The following PRKCH variants were observed in gnomAD, a reference collection of about 807,000 sequenced individuals.
PRKCH encodes the protein protein kinase C eta, also known as protein kinase C eta type.
PRKCH carries 28 observed loss-of-function variants against 82.5 expected under a neutral mutation model. The ratio of observed to expected loss-of-function variants is 0.34; its 90% confidence interval spans 0.25 to 0.47. The LOEUF (loss-of-function observed/expected upper bound fraction) is 0.47. PRKCH is among the 20% of genes least tolerant of loss of function. The probability of loss-of-function intolerance (pLI) is 1.00; values close to 1 mark genes in which losing one functional copy is unlikely to be tolerated. For missense variants in PRKCH, 705 were observed against 881.8 expected, an observed-to-expected ratio of 0.80 and a Z score of 2.54; for synonymous variants, 322 against 327.4, an observed-to-expected ratio of 0.98 and a Z score of 0.18.
intron 10 of PRKCH, among the ~76,000 whole-genome samples, chr14:61,489,856 G>A (rs575727099): frequency 6.6e-6 from 1 of 152,164 alleles, no homozygotes; most frequent in African/African-American, 2.4e-5. Flanking sequence ...TTCATCAACT[G>A]TATTAAAGGG....
chr14:61,263,212 T>C (rs1329286816), intron 1 of PRKCH, among the ~76,000 whole-genome samples: 2 of 152,236 alleles, frequency 1.3e-5, no homozygotes, highest in Non-Finnish European at 2.9e-5. Context: ...GTCATCACCC[T>C]GGACCTTGTG....
intron 1 of PRKCH, among the ~76,000 whole-genome samples, chr14:61,376,706 C>A (rs1257979777): frequency 2.6e-5 from 4 of 152,136 alleles, no homozygotes; most frequent in African/African-American, 4.8e-5. Context: ...CCCATCTACA[C>A]CCCTCTAGTT....
intron 1 of PRKCH, among the ~76,000 whole-genome samples, chr14:61,389,255 C>G (rs1255270606): frequency 6.6e-6 from 1 of 151,806 alleles, no homozygotes; most frequent in Non-Finnish European, 1.5e-5. Context: ...GGGGCTGAGG[C>G]AGGAAAATCA....
intron 2 of PRKCH, among the ~76,000 whole-genome samples, chr14:61,431,810 T>A (rs1594699066): frequency 6.6e-6 from 1 of 152,258 alleles, no homozygotes; most frequent in East Asian, 1.9e-4. Flanking sequence ...TAGCAATTCT[T>A]TCTTTTACAG....
intron 10 of PRKCH, among the ~76,000 whole-genome samples, chr14:61,508,741 A>T (rs1249360482): frequency 6.6e-6 from 1 of 152,106 alleles, no homozygotes; most frequent in Non-Finnish European, 1.5e-5. Flanking sequence ...CACATATGGT[A>T]AGGATGAAAA....
At chr14:61,539,823 G>A (rs568168230) in intron 12 of PRKCH, among the ~76,000 whole-genome samples, 6 of 152,312 alleles carry the variant, frequency 3.9e-5, no homozygotes, top group South Asian at 4.1e-4. Flanking sequence ...ACCTGACGCC[G>A]GACAGGCCAG....
intron 2 of PRKCH, among the ~76,000 whole-genome samples, chr14:61,431,812 C>G (rs1219250607): frequency 6.6e-6 from 1 of 152,146 alleles, no homozygotes; most frequent in African/African-American, 2.4e-5. Flanking sequence ...GCAATTCTTT[C>G]TTTTACAGTG....
At chr14:61,444,292 C>A (rs1043888671) in intron 3 of PRKCH, among the ~76,000 whole-genome samples, 1 of 152,072 alleles carries the variant, frequency 6.6e-6, no homozygotes, top group African/African-American at 2.4e-5. Flanking sequence ...AAAAAATTAG[C>A]AGCCCTGGCG....
chr14:61,506,827 C>T (rs1373212109), intron 10 of PRKCH, among the ~76,000 whole-genome samples: 1 of 152,122 alleles, frequency 6.6e-6, no homozygotes, highest in African/African-American at 2.4e-5. Context: ...AATGGAATGA[C>T]CACAGACTGT....
rs2043035315 is a variant in PRKCH, at chr14:61,530,719, C to T, written c.1761+124C>T. Reference sequence around the variant, plus strand: ...AGCTCTAACTAAAATTTGTATTGTTCTAATCTAAAGAATCAAAGAACCAGA... The same window carrying T: ...AGCTCTAACTAAAATTTGTATTGTTTTAATCTAAAGAATCAAAGAACCAGA... On this transcript the variant is annotated intron_variant, in intron 12 of 13. Transcript: ENST00000332981. 9 of 885,918 alleles carry T rather than the reference C, an allele frequency of 1.0e-5. No individual in the cohort carries two copies. The South Asian group carries it at 2.1e-4, about 21-fold the overall frequency. The allele number at this position is 885,918 out of a possible 1,614,324, so 54.9% of individuals were successfully genotyped here.
chr14:61,231,331 C>A (rs915716385), intron 1 of PRKCH, among the ~76,000 whole-genome samples: 3 of 150,302 alleles, frequency 2.0e-5, no homozygotes, highest in African/African-American at 7.3e-5. Flanking sequence ...GGTAACTGAT[C>A]AATACATTTA....
chr14:61,404,814 T>A (rs1207956948), intron 2 of PRKCH, among the ~76,000 whole-genome samples: 1 of 152,098 alleles, frequency 6.6e-6, no homozygotes, highest in East Asian at 1.9e-4. Context: ...GTCTGTCTAT[T>A]GGGATGGGGA....
At chr14:61,549,638 C>CTAT in intron 13 of PRKCH, 47 bp from the exon 14 acceptor site, 1 of 1,599,710 alleles carries the variant, frequency 6.3e-7, no homozygotes, top group Non-Finnish European at 8.5e-7. Flanking sequence ...GATGAGTAAG[C>CTAT]CTCAAGCGCA....
At chr14:61,462,295 C>G (rs563880694) in intron 9 of PRKCH, among the ~76,000 whole-genome samples, 1 of 152,234 alleles carries the variant, frequency 6.6e-6, no homozygotes, top group East Asian at 1.9e-4. Context: ...GAGGCTGAGA[C>G]AGGAGGATCG....
At chr14:61,343,094 G>T (rs772416520) in intron 1 of PRKCH, among the ~76,000 whole-genome samples, 12 of 152,182 alleles carry the variant, frequency 7.9e-5, no homozygotes, top group Non-Finnish European at 1.8e-4. Flanking sequence ...ACTGCTGACA[G>T]GGTGGGCTGG....
At chr14:61,315,599 C>T (rs2045556005) in intron 1 of PRKCH, among the ~76,000 whole-genome samples, 1 of 151,962 alleles carries the variant, frequency 6.6e-6, no homozygotes, top group Admixed American at 6.6e-5. Context: ...TCTTCAGAGT[C>T]CTTTAAAATA....
chr14:61,342,850 A>G (rs1308133906), intron 1 of PRKCH, among the ~76,000 whole-genome samples: 1 of 152,358 alleles, frequency 6.6e-6, no homozygotes, highest in Admixed American at 6.5e-5. Flanking sequence ...ACCAGCAGCC[A>G]AAAAGATTGC....
intron 2 of PRKCH, among the ~76,000 whole-genome samples, chr14:61,430,724 A>G (rs971691746): frequency 6.6e-6 from 1 of 151,336 alleles, no homozygotes; most frequent in African/African-American, 2.4e-5. Flanking sequence ...CTCCCAGTAG[A>G]TAGAAAACAC....
intron 12 of PRKCH, among the ~76,000 whole-genome samples, chr14:61,543,134 C>T (rs1333384552): frequency 1.3e-5 from 2 of 152,230 alleles, no homozygotes; most frequent in Non-Finnish European, 2.9e-5. Context: ...GCTGTTAGTT[C>T]TTTCAGCCTT....
Sources: allele counts gnomAD v4.1 joint callset (sites outside exome capture counted in the v4.1 genomes callset), GRCh38; gene constraint gnomAD v4.1.1; transcripts MANE v1.5; gene names NCBI Gene and HGNC (gene_info 2026-07-23, HGNC 2026-07-21).